SGPP2: variants seen among roughly 807,000 people sequenced by gnomAD.
SGPP2 encodes the protein sphingosine 1-phosphate phosphohydrolase 2.
SGPP2 carries 30 observed loss-of-function variants against 33.9 expected under a neutral mutation model. That is an observed-to-expected ratio of 0.89 (90% confidence interval 0.66 to 1.20). The LOEUF (loss-of-function observed/expected upper bound fraction) is 1.20, where lower values mean the gene tolerates loss of function less well. SGPP2 is among the 50% of genes most tolerant of loss of function. The pLI is 0.00. For synonymous variants in SGPP2, 233 were observed against 225.0 expected (o/e 1.04, Z -0.32); for missense variants, 458 against 532.1 (o/e 0.86, Z 1.37).
intron 4 of SGPP2, among the ~76,000 whole-genome samples, chr2:222,532,957 A>T (rs531803445): frequency 6.6e-5 from 10 of 152,322 alleles, no homozygotes; most frequent in African/African-American, 2.4e-4. Context: ...CATTCAAGGT[A>T]AAACAGAGTT....
At chr2:222,532,383 G>A (rs1015932007) in intron 4 of SGPP2, among the ~76,000 whole-genome samples, 7 of 152,180 alleles carry the variant, frequency 4.6e-5, no homozygotes, top group Admixed American at 6.5e-5. Flanking sequence ...TGCTTATCCC[G>A]CCTCTTAGGA....
At chr2:222,474,290 T>A (rs532391559) in intron 1 of SGPP2, among the ~76,000 whole-genome samples, 9 of 152,342 alleles carry the variant, frequency 5.9e-5, no homozygotes, top group African/African-American at 2.2e-4. Flanking sequence ...GCTCTCTGCA[T>A]ATACAAGAAA....
intron 4 of SGPP2, among the ~76,000 whole-genome samples, chr2:222,558,021 T>TAA (rs1176059542): frequency 1.3e-5 from 2 of 152,198 alleles, no homozygotes; most frequent in Non-Finnish European, 2.9e-5. Context: ...ATTTGTGATA[T>TAA]AAGTGTCGAA....
chr2:222,485,647 C>A (rs1698094769), intron 2 of SGPP2, among the ~76,000 whole-genome samples: 1 of 151,952 alleles, frequency 6.6e-6, no homozygotes. Flanking sequence ...CCTAAGGGGA[C>A]TGGGTATTTT....
chr2:222,532,098 C>T (rs1331176375), intron 4 of SGPP2, among the ~76,000 whole-genome samples: 1 of 152,016 alleles, frequency 6.6e-6, no homozygotes, highest in Non-Finnish European at 1.5e-5. Flanking sequence ...CATGGAGAAA[C>T]CCCATCTCTA....
At position 222,467,983 on chromosome 2, in the gene SGPP2, A is replaced by C. The variant is rs989699249; in HGVS notation, c.220-6585A>C. On this transcript the variant is annotated intron_variant, in intron 1 of 4. Coordinates refer to ENST00000321276, the MANE Select transcript of SGPP2 (RefSeq NM_152386.4). ...AAAAAAAAAAAAAAAAAAAAAAAAA[A>C]AAAAACAGAGGAAGTAATACAACCT... Among the ~76,000 whole-genome samples, 187 of 137,006 alleles carry C rather than the reference A, an allele frequency of 1.4e-3. 4 individuals carry two copies. In the East Asian group the frequency reaches 0.029, roughly 21 times the overall value. The allele number at this position is 137,006 out of a possible 152,430, so 89.9% of individuals were successfully genotyped here. A position where few individuals can be genotyped will look rare whatever the true frequency, so the allele number is the denominator to read the frequency against.
chr2:222,495,532 G>A (rs893921872), intron 2 of SGPP2, among the ~76,000 whole-genome samples: 1 of 152,156 alleles, frequency 6.6e-6, no homozygotes. Flanking sequence ...TTAAAAATGA[G>A]AGGAAGAAAA....
At chr2:222,495,038 A>AAACAAG (rs1346028618) in intron 2 of SGPP2, among the ~76,000 whole-genome samples, 1 of 143,474 alleles carries the variant, frequency 7.0e-6, no homozygotes, top group African/African-American at 2.8e-5. Context: ...TCTCAAACAA[A>AAACAAG]AACAAAAACA....
At chr2:222,537,497 TA>T (rs1559173356) in intron 4 of SGPP2, among the ~76,000 whole-genome samples, 1 of 152,082 alleles carries the variant, frequency 6.6e-6, no homozygotes, top group Non-Finnish European at 1.5e-5. Flanking sequence ...TATGAAGGAA[TA>T]AAATAAATAC....
chr2:222,484,960 G>A (rs1264994537), intron 2 of SGPP2, among the ~76,000 whole-genome samples: 1 of 152,112 alleles, frequency 6.6e-6, no homozygotes, highest in Non-Finnish European at 1.5e-5. Context: ...GTCTTGAATT[G>A]TTATGGTTCT....
intron 2 of SGPP2, chr2:222,504,096 C>T (rs562794817): frequency 2.0e-5 from 3 of 152,318 alleles, no homozygotes; most frequent in African/African-American, 7.2e-5. Flanking sequence ...TCATTGCCTC[C>T]TTGATGTCAT....
At chr2:222,478,271 G>GTC (rs1462928108) in intron 2 of SGPP2, among the ~76,000 whole-genome samples, 10 of 138,874 alleles carry the variant, frequency 7.2e-5, no homozygotes, top group Admixed American at 2.1e-4. Flanking sequence ...ATGCATTTGT[G>GTC]TGTGTGTGTG....
At chr2:222,453,156 G>C (rs1697518700) in intron 1 of SGPP2, 1 of 789,032 alleles carries the variant, frequency 1.3e-6, no homozygotes, top group African/African-American at 1.7e-5. Context: ...GACAGTCGCA[G>C]TGTGAGGCAT....
intron 2 of SGPP2, among the ~76,000 whole-genome samples, chr2:222,507,952 G>A (rs1698470335): frequency 6.6e-6 from 1 of 152,170 alleles, no homozygotes; most frequent in Non-Finnish European, 1.5e-5. Flanking sequence ...TTGTTTGAAG[G>A]AGGGTGAGCT....
At chr2:222,549,857 G>T (rs1457287388) in intron 4 of SGPP2, among the ~76,000 whole-genome samples, 3 of 150,276 alleles carry the variant, frequency 2.0e-5, no homozygotes, top group Non-Finnish European at 1.5e-5. Context: ...AACACATCTT[G>T]TATGCTTTTT....
At chr2:222,489,507 A>G (rs886858197) in intron 2 of SGPP2, among the ~76,000 whole-genome samples, 1 of 152,122 alleles carries the variant, frequency 6.6e-6, no homozygotes, top group Non-Finnish European at 1.5e-5. Context: ...GGAGGCTGAA[A>G]TTAGAAATTT....
At chr2:222,539,024 A>T (rs1283514900) in intron 4 of SGPP2, among the ~76,000 whole-genome samples, 1 of 152,196 alleles carries the variant, frequency 6.6e-6, no homozygotes, top group Admixed American at 6.5e-5. Context: ...AAATATAATC[A>T]TGACTGTCCA....
rs2106088174 is a variant in SGPP2, at chr2:222,465,831, T to C, written c.220-8737T>C. Reference sequence around the variant, plus strand: ...AGAGCTGCCTCCTGCTTGGGGCCTTTCACTAAGTGTTCTCTCTCTGACCCG... The same window carrying C: ...AGAGCTGCCTCCTGCTTGGGGCCTTCCACTAAGTGTTCTCTCTCTGACCCG... On this transcript the variant is annotated intron_variant, in intron 1 of 4. Coordinates refer to ENST00000321276, the MANE Select transcript of SGPP2 (RefSeq NM_152386.4). This position sits in a 1 kb window ranked among gnomAD's most constrained non-coding sequence, Gnocchi z 4.1. Among the ~76,000 whole-genome samples, 1 of 152,240 alleles carries C rather than the reference T, an allele frequency of 6.6e-6. No homozygotes were observed. Among genetic ancestry groups the C allele is most frequent in the Non-Finnish European group, 1.5e-5 (1 of 68,018 alleles).
chr2:222,477,814 G>A lies in SGPP2; in HGVS notation c.378+3088G>A, dbSNP rs1697971043. Among the ~76,000 whole-genome samples, 1 of 152,070 alleles carries A rather than the reference G, an allele frequency of 6.6e-6. No individual in the cohort carries two copies. The highest frequency in any genetic ancestry group is 2.4e-5 in the African/African-American group (1 of 41,370). On this transcript the variant is annotated intron_variant, in intron 2 of 4. Coordinates refer to ENST00000321276, the MANE Select transcript of SGPP2 (RefSeq NM_152386.4). The surrounding 1 kb of genome is among the most constrained non-coding windows in gnomAD (Gnocchi z 6.0). ...GGACACTCTCGTTGCCATTATTGGTGGTTATTTTCTGCTTCGGATTCCTCA... is the reference window on the plus strand; with the variant it reads ...GGACACTCTCGTTGCCATTATTGGTAGTTATTTTCTGCTTCGGATTCCTCA...
Sources: allele counts gnomAD v4.1 joint callset (sites outside exome capture counted in the v4.1 genomes callset), GRCh38; gene constraint gnomAD v4.1.1; non-coding constraint Gnocchi (gnomAD v3.1); transcripts MANE v1.5; gene names NCBI Gene and HGNC (gene_info 2026-07-23, HGNC 2026-07-21).